PLXNB3: variants seen among roughly 807,000 people sequenced by gnomAD.
PLXNB3 encodes the protein plexin B3.
In PLXNB3, 80 loss-of-function variants were observed where a neutral mutation model predicts 125.7. That is an observed-to-expected ratio of 0.64 (90% CI 0.53 to 0.77). The LOEUF is 0.77. Among genes scored for constraint, PLXNB3 ranks in the 30% least tolerant of loss-of-function variants. The pLI is 0.00. For synonymous variants in PLXNB3, 954 were observed against 783.3 expected (o/e 1.22, Z -3.64); for missense variants, 1,836 against 1,729.3 (o/e 1.06, Z -1.09).
At chrX:153,765,718 C>A in intron 2 of PLXNB3, 138 bp downstream of exon 2, 1 of 1,136,780 alleles carries the variant, frequency 8.8e-7, no homozygotes, top group South Asian at 2.1e-5. Flanking sequence ...CCGGGGTCCG[C>A]AGGAAGTGTC....
At position 153,778,246 on chromosome X, in the gene PLXNB3, C is replaced by T; in HGVS notation, c.5410-15C>T. On this transcript the variant is annotated splice_polypyrimidine_tract_variant and intron_variant, in intron 32 of 35. Coordinates refer to ENST00000361971, the MANE Select transcript of PLXNB3 (RefSeq NM_005393.3). Reference sequence around the variant, plus strand: ...TCCGAGCTCATGCCTAGCGCCTCCCCTCCCTCCGGAGCAGGATTCCCCAGT... The same window carrying T: ...TCCGAGCTCATGCCTAGCGCCTCCCTTCCCTCCGGAGCAGGATTCCCCAGT... The T allele has an allele frequency of 8.3e-7, 1 of 1,200,278 alleles. No homozygotes were observed. Among genetic ancestry groups the T allele is most frequent in the South Asian group, 1.8e-5 (1 of 55,387 alleles).
rs1400909171 is a variant in PLXNB3, at chrX:153,778,684, A to C, written c.5625+10A>C. Reference sequence around the variant, plus strand: ...CAGGTACTATGATCAGGTGAGGCCCAGGGCACTCCGGAGGGGAGGCACAGT... The same window carrying C: ...CAGGTACTATGATCAGGTGAGGCCCCGGGCACTCCGGAGGGGAGGCACAGT... On this transcript the variant is annotated intron_variant, in intron 35 of 35. Coordinates refer to ENST00000361971, the MANE Select transcript of PLXNB3 (RefSeq NM_005393.3). The C allele has an allele frequency of 8.4e-7, 1 of 1,191,447 alleles. No homozygotes were observed. The highest frequency in any genetic ancestry group is 1.1e-6 in the Non-Finnish European group (1 of 881,671).
intron 30 of PLXNB3, 60 bp from the exon 31 acceptor site, chrX:153,777,462 GCAGCCT>G: frequency 8.4e-7 from 1 of 1,184,321 alleles, no homozygotes; most frequent in Non-Finnish European, 1.1e-6. Flanking sequence ...AGGGGCAGGG[GCAGCCT>G]CAGCCGTGGA....
rs1557065088 is a variant in PLXNB3 at position 153,777,972 on chromosome X, T to C, written c.5286T>C (p.Asn1762=). The change falls in exon 32 of 36, where the codon AAT becomes AAC. Residue 1762 remains asparagine, a synonymous_variant. Transcript: ENST00000361971. ...TNSLLLRFWV[N]ALKNPQLIFD... is the part of the protein sequence containing the mutation. ...GTCTGCTGCTGCGGTTCTGGGTGAATGCCTTGAAGAACCCACAGCTCATCT... is the reference window on the plus strand; with the variant it reads ...GTCTGCTGCTGCGGTTCTGGGTGAACGCCTTGAAGAACCCACAGCTCATCT... The C allele has an allele frequency of 7.4e-6, 9 of 1,210,756 alleles. No homozygotes were observed. The highest frequency in any genetic ancestry group is 1.0e-5 in the Non-Finnish European group (9 of 894,882).
At chrX:153,769,102 G>T (rs1557060555) in intron 5 of PLXNB3, 26 bp downstream of exon 5, 2 of 1,205,579 alleles carry the variant, frequency 1.7e-6, no homozygotes, top group Admixed American at 4.4e-5. Flanking sequence ...GGGCTGAAGG[G>T]GCCAGCACAC....
chrX:153,769,920 C>T lies in PLXNB3; in HGVS notation c.1610C>T (p.Pro537Leu). ...HIQSLLPGHHPRQEQGQVTLS... is the reference protein window; with the variant it reads ...HIQSLLPGHHLRQEQGQVTLS... ...CAGAGCCTGCTGCCGGGCCACCACC[C>T]CCGCCAGGAGCAGGGCCAGGTAAGC... Residue 537 changes from proline to leucine, a missense_variant, in exon 7 of 36, where the codon CCC becomes CTC. Pro to Leu is a moderately conservative substitution (Grantham distance 98). Coordinates refer to ENST00000361971, the MANE Select transcript of PLXNB3 (RefSeq NM_005393.3). The T allele has an allele frequency of 8.3e-7, 1 of 1,208,049 alleles. No individual in the cohort carries two copies. Among genetic ancestry groups the T allele is most frequent in the Non-Finnish European group, 1.1e-6 (1 of 894,044 alleles).
chrX:153,776,769 G>A (rs1475398541), intron 28 of PLXNB3, 118 bp from the exon 29 acceptor site: 6 of 384,820 alleles, frequency 1.6e-5, no homozygotes, highest in Non-Finnish European at 1.7e-5. Flanking sequence ...GTGGGGCAGG[G>A]TGAGGCGAGG....
At chrX:153,765,890 G>C in intron 2 of PLXNB3, 1 of 754,166 alleles carries the variant, frequency 1.3e-6, no homozygotes, top group African/African-American at 2.3e-5. Context: ...AGAAGGGGCT[G>C]CTCCCACCTC....
intron 29 of PLXNB3, 21 bp from the exon 30 acceptor site, chrX:153,777,187 G>A: frequency 9.7e-6 from 11 of 1,129,229 alleles, no homozygotes; most frequent in Non-Finnish European, 1.3e-5. Context: ...TAGCCCTGAA[G>A]CCAGGCTCCT....
chrX:153,770,112 G>A lies in PLXNB3; in HGVS notation c.1650G>A (p.Arg550=), dbSNP rs1557061086. 7 of 1,211,236 alleles carry A rather than the reference G, an allele frequency of 5.8e-6. No individual in the cohort carries two copies. The highest frequency in any genetic ancestry group is 2.3e-4 in the Middle Eastern group (1 of 4,351). Residue 550 remains arginine, a synonymous_variant, in exon 8 of 36, where the codon CGG becomes CGA. Coordinates refer to ENST00000361971, the MANE Select transcript of PLXNB3 (RefSeq NM_005393.3). ...EQGQVTLSVP[R]LPILDADEYF... is the part of the protein sequence containing the mutation. ...CCCAGGTCACTTTGTCTGTCCCCCGGCTGCCCATCCTGGATGCAGATGAAT... is the reference window on the plus strand; with the variant it reads ...CCCAGGTCACTTTGTCTGTCCCCCGACTGCCCATCCTGGATGCAGATGAAT...
At chrX:153,765,783 G>A (rs1187377254) in intron 2 of PLXNB3, 4 of 753,203 alleles carry the variant, frequency 5.3e-6, no homozygotes, top group East Asian at 3.0e-4. Context: ...CTTCCTCCAG[G>A]CGCTGCTCTG....
chrX:153,778,485 CG>C lies in PLXNB3; in HGVS notation c.5550+20del, dbSNP rs781863406. On this transcript the variant is annotated intron_variant, in intron 34 of 35. Transcript: ENST00000361971. The stretch of plus-strand genomic sequence containing the variant: ...GAGCTCTCCGGGGTGAGGCATGGCC[CG>C]GGGGGTGCGCCTGTCCACACGTGGG... 5 of 1,203,332 alleles carry C rather than the reference CG, an allele frequency of 4.2e-6. No homozygotes were observed. The highest frequency in any genetic ancestry group is 5.6e-6 in the Non-Finnish European group (5 of 890,376).
Position 153,775,932 on chromosome X carries a change from T to C in PLXNB3, c.4447T>C (p.Tyr1483His), listed in dbSNP as rs2091981051. The C allele has an allele frequency of 8.3e-7, 1 of 1,211,028 alleles. No homozygotes were observed. Among genetic ancestry groups the C allele is most frequent in the Non-Finnish European group, 1.1e-6 (1 of 895,407 alleles). ...PLYMLFRAIQ[Y>H]QVDKGPVDAV... ...GTACATGCTCTTCCGGGCCATCCAG[T>C]ACCAGGTGGACAAAGGCCCCGTGGA... Residue 1483 changes from tyrosine to histidine, a missense_variant, in exon 27 of 36, where the codon TAC becomes CAC. Tyr to His is a moderately conservative substitution (Grantham distance 83). Coordinates refer to ENST00000361971, the MANE Select transcript of PLXNB3 (RefSeq NM_005393.3).
At chrX:153,765,266 G>A (rs782009057) in intron 1 of PLXNB3, among the ~76,000 whole-genome samples, 2 of 113,240 alleles carry the variant, frequency 1.8e-5, no homozygotes, top group South Asian at 7.2e-4. Context: ...GACAGCACTA[G>A]CGAGTGGGGC....
In PLXNB3 at chrX:153,778,247, T is replaced by C; in HGVS notation, c.5410-14T>C. On this transcript the variant is annotated splice_polypyrimidine_tract_variant and intron_variant, in intron 32 of 35. Coordinates refer to ENST00000361971, the MANE Select transcript of PLXNB3 (RefSeq NM_005393.3). ...CCGAGCTCATGCCTAGCGCCTCCCC[T>C]CCCTCCGGAGCAGGATTCCCCAGTG... The C allele has an allele frequency of 8.3e-7, 1 of 1,199,218 alleles. No homozygotes were observed. Among genetic ancestry groups the C allele is most frequent in the Non-Finnish European group, 1.1e-6 (1 of 888,007 alleles).
chrX:153,772,694 G>A (rs1278791731), intron 16 of PLXNB3, 192 bp from the exon 17 acceptor site: 124 of 1,022,408 alleles, frequency 1.2e-4, no homozygotes, highest in Non-Finnish European at 1.5e-4. Flanking sequence ...CTCCCCATGC[G>A]GCAGGGGTGG....
rs1557059896 is a variant in PLXNB3 at position 153,767,782 on chromosome X, A to G, written c.955A>G (p.Met319Val). The G allele has an allele frequency of 1.7e-6, 2 of 1,170,593 alleles. No individual in the cohort carries two copies. The highest frequency in any genetic ancestry group is 3.2e-5 in the East Asian group (1 of 31,217). ...CCAGGCGGCGCTCTGTGCCTTCCCCATGGTGGAGCTGGGTGCCAGCATGGA... is the reference window on the plus strand; with the variant it reads ...CCAGGCGGCGCTCTGTGCCTTCCCCGTGGTGGAGCTGGGTGCCAGCATGGA... Reference protein sequence around the residue: ...GTQAALCAFPMVELGASMEQA... With the variant: ...GTQAALCAFPVVELGASMEQA... The change falls in exon 3 of 36, where the codon ATG becomes GTG. Residue 319 changes from methionine to valine, a missense_variant. Physicochemically the swap from Met to Val is conservative, Grantham distance 21. Coordinates refer to ENST00000361971, the MANE Select transcript of PLXNB3 (RefSeq NM_005393.3).
At position 153,768,244 on chromosome X, in the gene PLXNB3, C is replaced by T. The variant is rs782764486; in HGVS notation, c.1087-5C>T. 4.6e-5 allele frequency: 54 copies of T among 1,178,773 alleles called. No homozygotes were observed. The highest frequency in any genetic ancestry group is 7.5e-5 in the South Asian group (4 of 53,685). ...GGGGCTGATTCTCCACTTCCTGCCA[C>T]GTAGGATTCCCCCGAGTCGTACCCC... On this transcript the variant is annotated splice_polypyrimidine_tract_variant and splice_region_variant and intron_variant, in intron 3 of 35. Coordinates refer to ENST00000361971, the MANE Select transcript of PLXNB3 (RefSeq NM_005393.3).
chrX:153,765,740 T>C, intron 2 of PLXNB3, 160 bp downstream of exon 2: 1 of 754,620 alleles, frequency 1.3e-6, no homozygotes. Context: ...GTGCTCTTCC[T>C]GCCTGTGTTC....
Sources: allele counts gnomAD v4.1 joint callset (sites outside exome capture counted in the v4.1 genomes callset), GRCh38; gene constraint gnomAD v4.1.1; transcripts MANE v1.5; gene names NCBI Gene and HGNC (gene_info 2026-07-23, HGNC 2026-07-21).